The following PHACTR4 variants were observed in gnomAD, a reference collection of about 807,000 sequenced individuals.
PHACTR4 encodes the protein phosphatase and actin regulator 4.
PHACTR4 carries 51 observed loss-of-function variants against 72.7 expected under a neutral mutation model. The observed-to-expected ratio is 0.70, with a 90% confidence interval of 0.56 to 0.89. The LOEUF is 0.89. Among genes scored for constraint, PHACTR4 ranks in the 40% least tolerant of loss-of-function variants. The probability of loss-of-function intolerance (pLI) is 0.00; values close to 1 mark genes in which losing one functional copy is unlikely to be tolerated. For missense variants in PHACTR4, 731 were observed against 861.8 expected (o/e 0.85, Z 1.90); for synonymous variants, 255 against 302.5 (o/e 0.84, Z 1.63).
chr1:28,449,735 C>G (rs949083713), intron 2 of PHACTR4, among the ~76,000 whole-genome samples: 1 of 151,758 alleles, frequency 6.6e-6, no homozygotes, highest in Admixed American at 6.6e-5. Context: ...ACCTGTAATC[C>G]CAGCTACTTG....
intron 2 of PHACTR4, among the ~76,000 whole-genome samples, chr1:28,446,969 T>G (rs1327293678): frequency 4.6e-5 from 7 of 151,904 alleles, no homozygotes; most frequent in Non-Finnish European, 2.9e-5. Context: ...TAAGCCTCTT[T>G]TCTTTATAAA....
intron 3 of PHACTR4, among the ~76,000 whole-genome samples, chr1:28,459,593 G>A (rs1350197753): frequency 1.3e-5 from 2 of 151,504 alleles, no homozygotes; most frequent in African/African-American, 4.8e-5. Flanking sequence ...GTAGAGATGG[G>A]GTCTCCTTAT....
chr1:28,426,278 CTT>C (rs1276687713), intron 2 of PHACTR4, among the ~76,000 whole-genome samples: 1 of 151,810 alleles, frequency 6.6e-6, no homozygotes, highest in East Asian at 1.9e-4. Flanking sequence ...TAAAATGAAA[CTT>C]TTATTTAGCT....
At chr1:28,385,834 T>G (rs1363531616) in intron 1 of PHACTR4, among the ~76,000 whole-genome samples, 1 of 151,848 alleles carries the variant, frequency 6.6e-6, no homozygotes, top group Non-Finnish European at 1.5e-5. Context: ...AGGCCGATCT[T>G]GAGCTCCTGA....
At chr1:28,467,443 A>G (rs912693590) in intron 6 of PHACTR4, among the ~76,000 whole-genome samples, 3 of 151,894 alleles carry the variant, frequency 2.0e-5, no homozygotes, top group Non-Finnish European at 4.4e-5. Context: ...TGTGAAAACC[A>G]TAACAGATTC....
Position 28,473,804 on chromosome 1 carries a change from C to T in PHACTR4, c.1074C>T (p.Thr358=). 2 of 1,614,100 alleles carry T rather than the reference C, an allele frequency of 1.2e-6. No individual in the cohort carries two copies. The highest frequency in any genetic ancestry group is 1.7e-6 in the Non-Finnish European group (2 of 1,180,024). ...ATATACCTCCAGAGCCTCCACGCAC[C>T]CCTCCATTCCCTGCTAAGACTTTTC... is the stretch of plus-strand genomic sequence containing the variant. The part of the protein sequence containing the change: ...PTHIPPEPPR[T]PPFPAKTFQV... The change falls in exon 7 of 14, where the codon ACC becomes ACT. Residue 358 remains threonine, a synonymous_variant. Transcript: ENST00000373839.
At chr1:28,426,096 C>T (rs1425886650) in intron 2 of PHACTR4, among the ~76,000 whole-genome samples, 5 of 152,108 alleles carry the variant, frequency 3.3e-5, no homozygotes, top group Admixed American at 6.6e-5. Context: ...TGGCAGGCGC[C>T]TGTAATCTCA....
chr1:28,386,786 G>A (rs1418510568), intron 1 of PHACTR4, among the ~76,000 whole-genome samples: 13 of 152,090 alleles, frequency 8.5e-5, no homozygotes, highest in Non-Finnish European at 1.9e-4. Flanking sequence ...TAGGTCATTA[G>A]ATATTTAAAA....
chr1:28,477,506 A>G (rs1169577343), intron 8 of PHACTR4, among the ~76,000 whole-genome samples: 1 of 151,906 alleles, frequency 6.6e-6, no homozygotes. Flanking sequence ...TAATAGTAAT[A>G]TATATTTATG....
At chr1:28,467,936 T>G (rs1033149497) in intron 6 of PHACTR4, among the ~76,000 whole-genome samples, 1 of 152,180 alleles carries the variant, frequency 6.6e-6, no homozygotes, top group African/African-American at 2.4e-5. Context: ...AATAAAAATA[T>G]AGTTTTTTCA....
At chr1:28,379,170 G>T (rs1243392505) in intron 1 of PHACTR4, among the ~76,000 whole-genome samples, 3 of 152,110 alleles carry the variant, frequency 2.0e-5, no homozygotes, top group African/African-American at 7.2e-5. Flanking sequence ...GCCTAGGCTG[G>T]TCTTGAACTC....
At chr1:28,440,218 C>T (rs1177968435) in intron 2 of PHACTR4, among the ~76,000 whole-genome samples, 69 of 144,102 alleles carry the variant, frequency 4.8e-4, no homozygotes, top group Non-Finnish European at 5.6e-4. Flanking sequence ...AGGAGAATGG[C>T]GTGAACCCGG....
At chr1:28,380,103 C>T (rs1307542816) in intron 1 of PHACTR4, among the ~76,000 whole-genome samples, 5 of 128,312 alleles carry the variant, frequency 3.9e-5, no homozygotes, top group Admixed American at 8.9e-5. Flanking sequence ...GTCGCCCAGG[C>T]TGGAGTGCAG....
chr1:28,455,215 T>A (rs1169901363), intron 2 of PHACTR4, among the ~76,000 whole-genome samples: 4 of 147,548 alleles, frequency 2.7e-5, no homozygotes, highest in African/African-American at 1.0e-4. Flanking sequence ...TTTTTTTTTT[T>A]TTTGAGACAG....
chr1:28,387,679 G>A (rs1242673368), intron 1 of PHACTR4, among the ~76,000 whole-genome samples: 1 of 152,048 alleles, frequency 6.6e-6, no homozygotes, highest in Non-Finnish European at 1.5e-5. Flanking sequence ...CTGAGGCTAG[G>A]AGTTTGAGAC....
At chr1:28,408,640 A>G (rs904706322) in intron 2 of PHACTR4, among the ~76,000 whole-genome samples, 1 of 151,482 alleles carries the variant, frequency 6.6e-6, no homozygotes, top group Non-Finnish European at 1.5e-5. Context: ...GTGTGTGTCT[A>G]TATATGTGTG....
At position 28,407,409 on chromosome 1, in the gene PHACTR4, GA is replaced by G; in HGVS notation, c.-36del. 6.4e-7 allele frequency: 1 copy of G among 1,569,586 alleles called. No homozygotes were observed. Among genetic ancestry groups the G allele is most frequent in the Admixed American group, 1.7e-5 (1 of 57,436 alleles). ...TATCATTTACCTTTTTCTCTTTTTA[GA>G]AACAGTATCTCACCTCCCTAAACTG... On this transcript the variant is annotated splice_region_variant and 5_prime_UTR_variant, in exon 2 of 14. Transcript: ENST00000373839.
At chr1:28,394,271 A>G (rs920206949) in intron 1 of PHACTR4, among the ~76,000 whole-genome samples, 1 of 151,232 alleles carries the variant, frequency 6.6e-6, no homozygotes, top group African/African-American at 2.4e-5. Flanking sequence ...AAAAAAAGAA[A>G]GAGGGACGGA....
At chr1:28,462,858 A>C (rs374910671) in intron 4 of PHACTR4, among the ~76,000 whole-genome samples, 23 of 152,308 alleles carry the variant, frequency 1.5e-4, no homozygotes, top group African/African-American at 5.1e-4. Context: ...TCTGCATTTT[A>C]GGCCAAAAGT....
Sources: allele counts gnomAD v4.1 joint callset (sites outside exome capture counted in the v4.1 genomes callset), GRCh38; gene constraint gnomAD v4.1.1; transcripts MANE v1.5; gene names NCBI Gene and HGNC (gene_info 2026-07-23, HGNC 2026-07-21).